SYNPR: variants seen among roughly 807,000 people sequenced by gnomAD.
SYNPR encodes synaptoporin.
SYNPR carries 23 observed loss-of-function variants against 32.9 expected under a neutral mutation model. The observed-to-expected ratio is 0.70, with a 90% CI of 0.50 to 0.99. SYNPR has a LOEUF of 0.99. Ranked by LOEUF, SYNPR falls within the 50% of genes least tolerant of loss-of-function variation. SYNPR has a pLI of 0.00. For missense variants in SYNPR, 318 were observed against 349.3 expected, an observed-to-expected ratio of 0.91 and a Z score of 0.71; for synonymous variants, 146 against 135.9, an observed-to-expected ratio of 1.07 and a Z score of -0.52.
At chr3:63,250,224 T>G (rs1180750938) in intron 1 of SYNPR, among the ~76,000 whole-genome samples, 1 of 152,116 alleles carries the variant, frequency 6.6e-6, no homozygotes, top group Admixed American at 6.6e-5. Context: ...ATGTTTGAGG[T>G]AATGGATATG....
chr3:63,491,621 A>G (rs1327179245), intron 3 of SYNPR, among the ~76,000 whole-genome samples: 1 of 152,130 alleles, frequency 6.6e-6, no homozygotes, highest in African/African-American at 2.4e-5. Context: ...CCTGGGTTCA[A>G]GTGATTCTCG....
At chr3:63,222,927 C>A in the SYNPR span, among the ~76,000 whole-genome samples, 1 of 152,148 alleles carries the variant, frequency 6.6e-6, no homozygotes. Context: ...TAACACCCCC[C>A]AAATCTCAAT....
chr3:63,568,597 T>C (rs1448875343), intron 4 of SYNPR, among the ~76,000 whole-genome samples: 2 of 152,182 alleles, frequency 1.3e-5, no homozygotes, highest in East Asian at 1.9e-4. Flanking sequence ...GTGAATTTCT[T>C]ATTTCTATGG....
chr3:63,382,704 C>T (rs1159371364), intron 2 of SYNPR, among the ~76,000 whole-genome samples: 3 of 152,076 alleles, frequency 2.0e-5, no homozygotes, highest in East Asian at 1.9e-4. Context: ...CTCCTCCTTT[C>T]GGAGTCGTCT....
chr3:63,418,503 C>G (rs912562964), intron 2 of SYNPR, among the ~76,000 whole-genome samples: 3 of 152,158 alleles, frequency 2.0e-5, no homozygotes, highest in African/African-American at 7.2e-5. Context: ...TCTACCAGTA[C>G]TAATTTACTG....
intron 3 of SYNPR, among the ~76,000 whole-genome samples, chr3:63,507,953 C>T (rs2106748307): frequency 6.6e-6 from 1 of 151,134 alleles, no homozygotes; most frequent in South Asian, 2.1e-4. Context: ...ATGAAAATGG[C>T]AAAATTAGTT....
At chr3:63,463,667 C>T (rs749077324) in intron 2 of SYNPR, among the ~76,000 whole-genome samples, 8 of 152,160 alleles carry the variant, frequency 5.3e-5, no homozygotes, top group South Asian at 2.1e-4. Flanking sequence ...TTAATATATG[C>T]ACACATGAAA....
At chr3:63,313,124 A>T (rs947641301) in intron 2 of SYNPR, among the ~76,000 whole-genome samples, 3 of 152,048 alleles carry the variant, frequency 2.0e-5, no homozygotes, top group African/African-American at 7.2e-5. Flanking sequence ...AGAGTCCCAG[A>T]TACTGATACC....
At chr3:63,476,189 GAGGGAAGCA>G (rs1347185655) in intron 2 of SYNPR, among the ~76,000 whole-genome samples, 2 of 45,918 alleles carry the variant, frequency 4.4e-5, no homozygotes, top group Non-Finnish European at 9.5e-5. Flanking sequence ...GAAGGGAAGG[GAGGGAAGCA>G]AGGGAAGGAA....
intron 2 of SYNPR, among the ~76,000 whole-genome samples, chr3:63,367,824 A>T (rs749262262): frequency 9.2e-5 from 14 of 152,138 alleles, no homozygotes; most frequent in Non-Finnish European, 1.9e-4. Flanking sequence ...ATTTCCCCAG[A>T]TCTGAAGTTT....
At chr3:63,478,509 T>C (rs904757067) in intron 2 of SYNPR, among the ~76,000 whole-genome samples, 1 of 152,228 alleles carries the variant, frequency 6.6e-6, no homozygotes, top group Non-Finnish European at 1.5e-5. Context: ...CCATGTATGT[T>C]ACATGCTGGA....
intron 2 of SYNPR, among the ~76,000 whole-genome samples, chr3:63,363,913 G>A (rs963110480): frequency 1.3e-5 from 2 of 152,130 alleles, no homozygotes; most frequent in East Asian, 1.9e-4. Flanking sequence ...ATAAAATTGT[G>A]CATGATAATG....
chr3:63,276,288 A>G (rs75899643), upstream of SYNPR, among the ~76,000 whole-genome samples: 4,346 of 152,232 alleles, frequency 0.029, 180 homozygotes, highest in African/African-American at 0.091. Context: ...GCAAGGATAT[A>G]TAGATGTTGA....
chr3:63,470,300 T>C (rs2106673990), intron 2 of SYNPR, among the ~76,000 whole-genome samples: 1 of 152,372 alleles, frequency 6.6e-6, no homozygotes, highest in African/African-American at 2.4e-5. Flanking sequence ...CTACTCATTC[T>C]TTTTAACCCT....
At position 63,478,077 on chromosome 3, in the gene SYNPR, C is replaced by T. The variant is rs186535794; in HGVS notation, c.85-2755C>T. 1.1e-3 allele frequency among the ~76,000 whole-genome samples: 166 copies of T among 152,246 alleles called. 1 individual carries two copies. Among genetic ancestry groups the T allele is most frequent in the African/African-American group, 3.5e-3 (144 of 41,550 alleles). On this transcript the variant is annotated intron_variant, in intron 2 of 5. Coordinates refer to ENST00000478300, the MANE Select transcript of SYNPR (RefSeq NM_001130003.2). ...AAGCCCATAGGTATCATATTTAACT[C>T]AATTACAATGCCTTGTGTTTTCAGA...
chr3:63,392,142 A>G (rs912171179), intron 2 of SYNPR, among the ~76,000 whole-genome samples: 1 of 152,188 alleles, frequency 6.6e-6, no homozygotes, highest in African/African-American at 2.4e-5. Flanking sequence ...AAAAGAGAAA[A>G]CATGAGAATC....
rs1699886098 is a variant in SYNPR at position 63,425,976 on chromosome 3, G to A, written c.85-54856G>A. The stretch of plus-strand genomic sequence containing the variant: ...TTTTTTTTGCATTTTTAGTAGAAAT[G>A]GGGTTTCACTATATTGGCCCGGCTG... On this transcript the variant is annotated intron_variant, in intron 2 of 5. Coordinates refer to ENST00000478300, the MANE Select transcript of SYNPR (RefSeq NM_001130003.2). 2.6e-5 allele frequency among the ~76,000 whole-genome samples: 4 copies of A among 152,016 alleles called. No individual in the cohort carries two copies. In the South Asian group the frequency reaches 8.3e-4, roughly 32 times the overall value.
At chr3:63,523,751 C>T (rs1020376488) in intron 3 of SYNPR, among the ~76,000 whole-genome samples, 1 of 151,992 alleles carries the variant, frequency 6.6e-6, no homozygotes. Flanking sequence ...TTTTGCATGT[C>T]GAGTCTTAGA....
At chr3:63,456,249 C>A (rs13319407) in intron 2 of SYNPR, among the ~76,000 whole-genome samples, 30,505 of 151,966 alleles carry the variant, frequency 0.2, 3,269 homozygotes, top group Middle Eastern at 0.26. Context: ...AATCATATCA[C>A]CTCCCTAGTG....
Sources: gnomAD v4.1 joint callset for allele counts (sites outside exome capture counted in the v4.1 genomes callset) on GRCh38, gnomAD v4.1.1 for gene constraint, MANE v1.5 for transcripts, NCBI Gene and HGNC (gene_info 2026-07-23, HGNC 2026-07-21) for gene names.